XPR1: variants seen among roughly 807,000 people sequenced by gnomAD.
The protein encoded by XPR1 is solute carrier family 53 member 1.
A neutral mutation model predicts 87.5 loss-of-function variants in XPR1; 28 were observed. The observed-to-expected ratio is 0.32, with a 90% CI of 0.24 to 0.44. The LOEUF (loss-of-function observed/expected upper bound fraction) is 0.44, where lower values mean the gene tolerates loss of function less well. Among genes scored for constraint, XPR1 ranks in the 20% least tolerant of loss-of-function variants. XPR1 has a pLI of 1.00. For missense variants in XPR1, 559 were observed against 862.3 expected, an observed-to-expected ratio of 0.65 and a Z score of 4.41; for synonymous variants, 300 against 306.1, an observed-to-expected ratio of 0.98 and a Z score of 0.21.
At chr1:180,827,350 A>T (rs1309630627) in intron 9 of XPR1, among the ~76,000 whole-genome samples, 18 of 152,210 alleles carry the variant, frequency 1.2e-4, no homozygotes, top group African/African-American at 4.1e-4. Context: ...TACTATGATT[A>T]CGTAATTACA....
chr1:180,672,742 A>G (rs895068916), intron 1 of XPR1, among the ~76,000 whole-genome samples: 1 of 152,086 alleles, frequency 6.6e-6, no homozygotes, highest in Non-Finnish European at 1.5e-5. Context: ...ATTGGAGAAT[A>G]TTTCTGGGGT....
rs545557099 is a variant in XPR1, at chr1:180,734,231, A to G, written c.121+51820A>G. On this transcript the variant is annotated intron_variant, in intron 2 of 14. Transcript: ENST00000367590. ...AGGGCCTGCTGCTTGCTGCACAGAA[A>G]GCCAACCACTGAAAAAGGAGTATTG... is the stretch of plus-strand genomic sequence containing the variant. 2.6e-5 allele frequency among the ~76,000 whole-genome samples: 4 copies of G among 152,332 alleles called. No homozygotes were observed. The South Asian group carries it at 6.2e-4, about 24-fold the overall frequency.
intron 2 of XPR1, among the ~76,000 whole-genome samples, chr1:180,686,751 A>T (rs140954247): frequency 6.6e-6 from 1 of 152,194 alleles, no homozygotes; most frequent in Admixed American, 6.5e-5. Context: ...GTGACAAGCT[A>T]TTAGAGACTT....
At chr1:180,725,814 G>T (rs1350440815) in intron 2 of XPR1, among the ~76,000 whole-genome samples, 1 of 152,194 alleles carries the variant, frequency 6.6e-6, no homozygotes, top group East Asian at 1.9e-4. Context: ...AGAAAACCTG[G>T]ATTGAAATCC....
intron 2 of XPR1, among the ~76,000 whole-genome samples, chr1:180,758,161 T>C (rs1647834366): frequency 7.1e-6 from 1 of 141,510 alleles, no homozygotes; most frequent in Admixed American, 7.0e-5. Context: ...TTCAGCCACA[T>C]TTAAAAAAGA....
chr1:180,737,829 A>G (rs1287460537), intron 2 of XPR1, among the ~76,000 whole-genome samples: 1 of 152,070 alleles, frequency 6.6e-6, no homozygotes, highest in African/African-American at 2.4e-5. Context: ...TGCATAATGG[A>G]TATACCATGA....
chr1:180,637,394 C>T (rs923245060), intron 1 of XPR1, among the ~76,000 whole-genome samples: 7 of 152,070 alleles, frequency 4.6e-5, no homozygotes, highest in Middle Eastern at 3.2e-3. Context: ...AACAGTAATA[C>T]CAATAATGCA....
chr1:180,797,010 T>C (rs1022388485), intron 3 of XPR1, among the ~76,000 whole-genome samples: 2 of 151,146 alleles, frequency 1.3e-5, no homozygotes, highest in Admixed American at 1.3e-4. Flanking sequence ...GGGTAGGGGG[T>C]GGAAGTGGGG....
chr1:180,758,154 A>G (rs1571805840), intron 2 of XPR1, among the ~76,000 whole-genome samples: 1 of 103,144 alleles, frequency 9.7e-6, no homozygotes, highest in South Asian at 3.2e-4. Flanking sequence ...CACATTATTC[A>G]GCCACATTTA....
At chr1:180,680,531 A>G (rs549885447) in intron 1 of XPR1, among the ~76,000 whole-genome samples, 1 of 151,866 alleles carries the variant, frequency 6.6e-6, no homozygotes, top group East Asian at 1.9e-4. Flanking sequence ...CACCCAGCTA[A>G]TTTTTGTATT....
chr1:180,817,854 C>G (rs1413237967), intron 7 of XPR1, among the ~76,000 whole-genome samples: 2 of 152,120 alleles, frequency 1.3e-5, no homozygotes, highest in Non-Finnish European at 2.9e-5. Context: ...GTTCTGGGTG[C>G]TGATTCACTT....
chr1:180,803,042 A>G (rs1649852854), intron 3 of XPR1, among the ~76,000 whole-genome samples: 1 of 152,218 alleles, frequency 6.6e-6, no homozygotes, highest in Admixed American at 6.5e-5. Context: ...TCTCTTAAGT[A>G]TATGCCTAGG....
intron 2 of XPR1, among the ~76,000 whole-genome samples, chr1:180,763,206 A>G (rs1648121071): frequency 2.0e-5 from 3 of 152,268 alleles, no homozygotes; most frequent in East Asian, 1.9e-4. Flanking sequence ...ACAGCATGCT[A>G]GAAACAGTGA....
intron 1 of XPR1, among the ~76,000 whole-genome samples, chr1:180,638,821 A>G (rs1052843854): frequency 6.6e-6 from 1 of 152,188 alleles, no homozygotes; most frequent in Non-Finnish European, 1.5e-5. Context: ...ATAAATTTGT[A>G]TTACTTTTGT....
At chr1:180,777,979 TTTTTA>T (rs1469812432) in intron 2 of XPR1, among the ~76,000 whole-genome samples, 3 of 152,090 alleles carry the variant, frequency 2.0e-5, no homozygotes, top group Non-Finnish European at 4.4e-5. Flanking sequence ...AGATCTTGTT[TTTTTA>T]TTTTAATTTT....
intron 2 of XPR1, among the ~76,000 whole-genome samples, chr1:180,749,639 T>TCACACACACA (rs139363505): frequency 0.083 from 11,854 of 142,306 alleles, 587 homozygotes; most frequent in Middle Eastern, 0.11. Context: ...CACATATACA[T>TCACACACACA]CACACACACA....
chr1:180,858,933 C>CT (rs943901545), intron 11 of XPR1, among the ~76,000 whole-genome samples: 6 of 151,876 alleles, frequency 4.0e-5, no homozygotes, highest in East Asian at 1.9e-4. Flanking sequence ...TTTGATTTTT[C>CT]TTTTTTTTGG....
chr1:180,704,717 C>A (rs1424262461), intron 2 of XPR1, among the ~76,000 whole-genome samples: 1 of 148,716 alleles, frequency 6.7e-6, no homozygotes, highest in East Asian at 2.0e-4. Flanking sequence ...CCTATTATAA[C>A]TTCTTTTCTA....
At chr1:180,866,811 A>AT (rs71121055) in intron 12 of XPR1, among the ~76,000 whole-genome samples, 6,141 of 141,080 alleles carry the variant, frequency 0.044, 318 homozygotes, top group African/African-American at 0.13. Flanking sequence ...TTTTTTTTTA[A>AT]TTTTTTTTTT....
Sources: allele counts gnomAD v4.1 joint callset (sites outside exome capture counted in the v4.1 genomes callset), GRCh38; gene constraint gnomAD v4.1.1; transcripts MANE v1.5; gene names NCBI Gene and HGNC (gene_info 2026-07-23, HGNC 2026-07-21).